The following DMD variants were observed in gnomAD, a reference collection of about 807,000 sequenced individuals.
The protein encoded by DMD is mutant dystrophin.
DMD carries 63 observed loss-of-function variants against 330.1 expected under a neutral mutation model. The observed-to-expected ratio is 0.19, with a 90% CI of 0.16 to 0.24. The LOEUF is 0.24. DMD is among the 10% of genes least tolerant of loss of function. The pLI, the probability that DMD is intolerant of heterozygous loss-of-function variation, is 1.00. For synonymous variants in DMD, 1,223 were observed against 959.8 expected (o/e 1.27, Z -5.07); for missense variants, 3,344 against 2,684.1 (o/e 1.25, Z -5.43).
intron 2 of DMD, among the ~76,000 whole-genome samples, chrX:32,877,423 T>C (rs1377833960): frequency 3.5e-5 from 4 of 112,814 alleles, no homozygotes; most frequent in African/African-American, 1.3e-4. Context: ...AACTTTTTGT[T>C]TATATTAGAA....
At chrX:32,267,422 C>A (rs763890585) in intron 43 of DMD, among the ~76,000 whole-genome samples, 1 of 112,106 alleles carries the variant, frequency 8.9e-6, no homozygotes, top group East Asian at 2.8e-4. Context: ...GTCTTCATTT[C>A]TAGTGAAAAC....
At position 31,130,753 on chromosome X, in the gene DMD, AG is replaced by A. The variant is rs1338002537; in HGVS notation, c.11014+3348del. On this transcript the variant is annotated intron_variant, in intron 77 of 78. Transcript: ENST00000357033. ...AGGCACTTGACTTTTCTTGGCTTCCAGGTACTCTTTGTGAAAATAAAAGATA... is the reference window on the plus strand; with the variant it reads ...AGGCACTTGACTTTTCTTGGCTTCCAGTACTCTTTGTGAAAATAAAAGATA... Among the ~76,000 whole-genome samples, 3 of 111,954 alleles carry A rather than the reference AG, an allele frequency of 2.7e-5. No homozygotes were observed. In the East Asian group the frequency reaches 8.4e-4, roughly 31 times the overall value.
chrX:31,831,735 A>T (rs1002698406), intron 49 of DMD, among the ~76,000 whole-genome samples: 9 of 110,728 alleles, frequency 8.1e-5, no homozygotes, highest in Non-Finnish European at 1.7e-4. Context: ...AGTAGCTGGG[A>T]CTACAGATGC....
Position 33,241,247 on chromosome X carries a change from A to G in DMD, c.7+98012T>C, listed in dbSNP as rs1428811706. Reference sequence around the variant, plus strand: ...AGTTAATTTTTGTACATGGTCTGATATAAGGGTCTAATTTTTTCTGCATGT... The same window carrying G: ...AGTTAATTTTTGTACATGGTCTGATGTAAGGGTCTAATTTTTTCTGCATGT... On this transcript the variant is annotated intron_variant, in intron 1 of 17. Coordinates refer to the DMD transcript ENST00000288447. Among the ~76,000 whole-genome samples, 3 of 111,952 alleles carry G rather than the reference A, an allele frequency of 2.7e-5. No homozygotes were observed. The Admixed American group carries it at 2.8e-4, about 11-fold the overall frequency.
At chrX:31,139,216 G>A in intron 76 of DMD, among the ~76,000 whole-genome samples, 1 of 111,562 alleles carries the variant, frequency 9.0e-6, no homozygotes, top group Middle Eastern at 4.6e-3. Context: ...CACTGCTGGT[G>A]GGAATGTAAA....
At chrX:31,228,848 C>T (rs2047607747) in intron 63 of DMD, among the ~76,000 whole-genome samples, 1 of 111,918 alleles carries the variant, frequency 8.9e-6, no homozygotes, top group Non-Finnish European at 1.9e-5. Context: ...TGCTGAACTG[C>T]ACATTTCTCT....
chrX:32,325,096 A>C (rs2097644228), intron 41 of DMD, among the ~76,000 whole-genome samples: 2 of 111,532 alleles, frequency 1.8e-5, no homozygotes, highest in Non-Finnish European at 3.8e-5. Flanking sequence ...TTTTTTAAAA[A>C]AGTAAAATAT....
At chrX:32,034,921 A>G (rs1246262228) in intron 44 of DMD, among the ~76,000 whole-genome samples, 4 of 112,109 alleles carry the variant, frequency 3.6e-5, no homozygotes, top group Non-Finnish European at 7.5e-5. Flanking sequence ...AGGAACTGTG[A>G]CAAAAAGAAA....
At chrX:33,181,372 T>A (rs2049995915) in intron 1 of DMD, among the ~76,000 whole-genome samples, 2 of 111,452 alleles carry the variant, frequency 1.8e-5, no homozygotes, top group African/African-American at 6.5e-5. Context: ...GGTCTCTATA[T>A]CAGTCGATGG....
At position 33,147,408 on chromosome X, in the gene DMD, C is replaced by T. The variant is rs1007401700; in HGVS notation, c.31+63874G>A. Among the ~76,000 whole-genome samples the T allele has an allele frequency of 3.6e-5, 4 of 111,759 alleles. No individual in the cohort carries two copies. In the East Asian group the frequency reaches 8.4e-4, roughly 23 times the overall value. ...TCAAAATTAGTTCCAGAAGAAGGTC[C>T]GGAATGGCAGTTGACACATTCCCCT... On this transcript the variant is annotated intron_variant, in intron 1 of 78. Transcript: ENST00000357033.
chrX:32,039,562 T>C (rs2095981914), intron 44 of DMD, among the ~76,000 whole-genome samples: 1 of 111,651 alleles, frequency 9.0e-6, no homozygotes, highest in African/African-American at 3.3e-5. Flanking sequence ...GGCATCTGTC[T>C]ATGAGTAGGA....
chrX:32,951,008 C>T (rs149451056), intron 2 of DMD, among the ~76,000 whole-genome samples: 1,147 of 111,396 alleles, frequency 0.01, 15 homozygotes, highest in African/African-American at 0.035. Context: ...CTAGCTCATG[C>T]CCCCAACTAT....
At chrX:32,844,630 C>A (rs2080486954) in intron 4 of DMD, among the ~76,000 whole-genome samples, 153 bp downstream of exon 4, 1 of 111,170 alleles carries the variant, frequency 9.0e-6, no homozygotes, top group African/African-American at 3.3e-5. Context: ...CACAATCAGG[C>A]ATACACGAAT....
chrX:31,621,546 C>G (rs2078531611), intron 55 of DMD, among the ~76,000 whole-genome samples: 1 of 111,900 alleles, frequency 8.9e-6, no homozygotes, highest in South Asian at 3.8e-4. Context: ...CTTACACTTA[C>G]TGAGCCCTTC....
chrX:32,199,247 C>T (rs1603628130), intron 44 of DMD, among the ~76,000 whole-genome samples: 1 of 111,640 alleles, frequency 9.0e-6, no homozygotes, highest in Non-Finnish European at 1.9e-5. Context: ...CCTGAGGCAC[C>T]ATCAAGACAG....
intron 1 of DMD, among the ~76,000 whole-genome samples, chrX:33,150,492 C>T (rs1047848269): frequency 2.7e-5 from 3 of 109,293 alleles, no homozygotes; most frequent in African/African-American, 6.7e-5. Flanking sequence ...TGGGGTTTCG[C>T]CATACTGGCC....
At chrX:31,932,744 T>C (rs1603615960) in intron 45 of DMD, among the ~76,000 whole-genome samples, 1 of 111,088 alleles carries the variant, frequency 9.0e-6, no homozygotes, top group African/African-American at 3.3e-5. Flanking sequence ...AGACTCCATC[T>C]CAAATACATA....
intron 1 of DMD, among the ~76,000 whole-genome samples, chrX:33,046,188 G>C (rs954420618): frequency 9.0e-6 from 1 of 111,343 alleles, no homozygotes; most frequent in East Asian, 2.8e-4. Flanking sequence ...AATGTGACCG[G>C]TAGACCTGAA....
At chrX:32,076,289 A>T (rs1167900330) in intron 44 of DMD, among the ~76,000 whole-genome samples, 1 of 109,070 alleles carries the variant, frequency 9.2e-6, no homozygotes, top group Non-Finnish European at 1.9e-5. Context: ...CAGGGGAAGG[A>T]GATGTTACCT....
Sources: gnomAD v4.1 joint callset for allele counts (sites outside exome capture counted in the v4.1 genomes callset) on GRCh38, gnomAD v4.1.1 for gene constraint, MANE v1.5 for transcripts, NCBI Gene and HGNC (gene_info 2026-07-23, HGNC 2026-07-21) for gene names.